Variants in SH3GL2 observed in about 807,000 individuals in gnomAD.
SH3GL2 encodes the protein SH3 domain containing GRB2 like 2, endophilin A1, also known as endophilin-A1.
A neutral mutation model predicts 46.0 loss-of-function variants in SH3GL2; 24 were observed. The ratio of observed to expected loss-of-function variants is 0.52; its 90% confidence interval spans 0.38 to 0.73. SH3GL2 has a LOEUF of 0.73. SH3GL2 is among the 30% of genes least tolerant of loss of function. The pLI, the probability that SH3GL2 is intolerant of heterozygous loss-of-function variation, is 0.00. For synonymous variants in SH3GL2, 196 were observed against 147.1 expected, an observed-to-expected ratio of 1.33 and a Z score of -2.40; for missense variants, 413 against 424.2, an observed-to-expected ratio of 0.97 and a Z score of 0.23.
intron 1 of SH3GL2, among the ~76,000 whole-genome samples, chr9:17,583,482 G>T (rs959356683): frequency 6.6e-6 from 1 of 152,178 alleles, no homozygotes; most frequent in East Asian, 1.9e-4. Flanking sequence ...GAAGCAAAGG[G>T]TGGGCCCTAG....
intron 1 of SH3GL2, among the ~76,000 whole-genome samples, chr9:17,683,538 T>C (rs931880890): frequency 6.6e-6 from 1 of 152,012 alleles, no homozygotes. Context: ...CTGGGACTAT[T>C]AGAGATCTCC....
intron 1 of SH3GL2, among the ~76,000 whole-genome samples, chr9:17,593,930 C>G (rs1368700220): frequency 6.6e-6 from 1 of 152,192 alleles, no homozygotes; most frequent in African/African-American, 2.4e-5. Context: ...TTGATCTCAA[C>G]TTCTTCCTCC....
At chr9:17,659,634 C>T (rs1820166342) in intron 1 of SH3GL2, among the ~76,000 whole-genome samples, 4 of 152,162 alleles carry the variant, frequency 2.6e-5, no homozygotes, top group Admixed American at 2.6e-4. Flanking sequence ...GAGTTAGAAA[C>T]TGGTGGTATA....
chr9:17,614,329 G>A, intron 1 of SH3GL2, among the ~76,000 whole-genome samples: 1 of 89,212 alleles, frequency 1.1e-5, no homozygotes, highest in African/African-American at 3.6e-5. Flanking sequence ...AAAAATCCTT[G>A]CCCCTTTTAG....
chr9:17,753,749 C>T (rs1822912482), intron 2 of SH3GL2, among the ~76,000 whole-genome samples: 1 of 152,130 alleles, frequency 6.6e-6, no homozygotes. Flanking sequence ...AATTTTTGCC[C>T]ATGCCTATGT....
intron 1 of SH3GL2, among the ~76,000 whole-genome samples, chr9:17,729,519 T>A (rs953702209): frequency 6.6e-6 from 1 of 152,174 alleles, no homozygotes; most frequent in South Asian, 2.1e-4. Context: ...GGTGTTTTAG[T>A]CATGAAGTCT....
At chr9:17,704,967 A>G (rs1210432351) in intron 1 of SH3GL2, among the ~76,000 whole-genome samples, 1 of 152,040 alleles carries the variant, frequency 6.6e-6, no homozygotes, top group African/African-American at 2.4e-5. Context: ...CAGACAATCT[A>G]CAGAATGGGA....
rs563214947 is a variant in SH3GL2 at position 17,695,571 on chromosome 9, G to A, written c.46-51495G>A. 3.8e-4 allele frequency among the ~76,000 whole-genome samples: 57 copies of A among 151,952 alleles called. 1 individual carries two copies. The highest frequency in any genetic ancestry group is 1.1e-3 in the African/African-American group (47 of 41,326). The stretch of plus-strand genomic sequence containing the variant: ...GGCAACTTTGAGGAGGTAACCAGGA[G>A]GTATCTGCACTCCCTCTGTGCTCGC... On this transcript the variant is annotated intron_variant, in intron 1 of 8. Transcript: ENST00000380607.
At position 17,745,776 on chromosome 9, in the gene SH3GL2, G is replaced by A. The variant is rs1472751187; in HGVS notation, c.46-1290G>A. The stretch of plus-strand genomic sequence containing the variant: ...CCTTTGGAATGAGGTAAACCAGGTT[G>A]TTGCTGAGCTTACTGTGGGTTGGTC... On this transcript the variant is annotated intron_variant, in intron 1 of 8. Transcript: ENST00000380607. 5.3e-5 allele frequency among the ~76,000 whole-genome samples: 8 copies of A among 152,116 alleles called. 1 individual carries two copies. The South Asian group carries it at 1.7e-3, about 31-fold the overall frequency.
At chr9:17,643,307 C>T (rs1415561800) in intron 1 of SH3GL2, among the ~76,000 whole-genome samples, 1 of 152,186 alleles carries the variant, frequency 6.6e-6, no homozygotes, top group Non-Finnish European at 1.5e-5. Context: ...ATGGGGTTTT[C>T]TAAATATACA....
chr9:17,721,976 A>G (rs925959370), intron 1 of SH3GL2, among the ~76,000 whole-genome samples: 4 of 152,086 alleles, frequency 2.6e-5, no homozygotes, highest in Non-Finnish European at 2.9e-5. Context: ...GGTGAGGTTG[A>G]TAGTTAACGC....
chr9:17,789,630 A>G, intron 6 of SH3GL2, 80 bp downstream of exon 6: 1 of 1,584,248 alleles, frequency 6.3e-7, no homozygotes, highest in African/African-American at 1.3e-5. Context: ...AACCCTTAAA[A>G]GCATTAATAT....
chr9:17,601,997 G>T (rs543528435), intron 1 of SH3GL2, among the ~76,000 whole-genome samples: 168 of 152,228 alleles, frequency 1.1e-3, no homozygotes, highest in African/African-American at 3.7e-3. Context: ...GCATTTTAAG[G>T]GCATTGCAGA....
intron 1 of SH3GL2, among the ~76,000 whole-genome samples, chr9:17,644,758 T>C (rs1819765459): frequency 1.3e-5 from 2 of 152,206 alleles, no homozygotes; most frequent in Non-Finnish European, 2.9e-5. Context: ...TGGTCAGTTT[T>C]AGAATAAGTG....
At chr9:17,629,930 C>T (rs1050962227) in intron 1 of SH3GL2, among the ~76,000 whole-genome samples, 1 of 152,042 alleles carries the variant, frequency 6.6e-6, no homozygotes, top group Non-Finnish European at 1.5e-5. Flanking sequence ...AATGTGGTTC[C>T]CAGGCCACCT....
At chr9:17,665,230 A>G (rs1406301797) in intron 1 of SH3GL2, among the ~76,000 whole-genome samples, 1 of 152,220 alleles carries the variant, frequency 6.6e-6, no homozygotes, top group Non-Finnish European at 1.5e-5. Flanking sequence ...GATAAGAAAC[A>G]AAACTTTTTA....
chr9:17,594,951 A>G (rs1436949818), intron 1 of SH3GL2, among the ~76,000 whole-genome samples: 1 of 152,206 alleles, frequency 6.6e-6, no homozygotes, highest in African/African-American at 2.4e-5. Context: ...CTAAAAGTTA[A>G]TGTAGAATTT....
chr9:17,669,893 GGAGA>G (rs1168465876), intron 1 of SH3GL2, among the ~76,000 whole-genome samples: 1 of 152,022 alleles, frequency 6.6e-6, no homozygotes, highest in East Asian at 1.9e-4. Flanking sequence ...AAATTTAATA[GGAGA>G]AAGAAAAAGA....
Position 17,709,389 on chromosome 9 carries a change from G to A in SH3GL2, c.46-37677G>A, listed in dbSNP as rs192760645. ...TAAGAGCATATTTCTTGTGTAGCAAGTCCATGAAACCAAAGGGCTGATCCA... is the reference window on the plus strand; with the variant it reads ...TAAGAGCATATTTCTTGTGTAGCAAATCCATGAAACCAAAGGGCTGATCCA... On this transcript the variant is annotated intron_variant, in intron 1 of 8. Transcript: ENST00000380607. Among the ~76,000 whole-genome samples, 25 of 152,024 alleles carry A rather than the reference G, an allele frequency of 1.6e-4. No individual in the cohort carries two copies. In the East Asian group the frequency reaches 4.7e-3, roughly 28 times the overall value.
Sources: allele counts gnomAD v4.1 joint callset (sites outside exome capture counted in the v4.1 genomes callset), GRCh38; gene constraint gnomAD v4.1.1; transcripts MANE v1.5; gene names NCBI Gene and HGNC (gene_info 2026-07-23, HGNC 2026-07-21).